MPPED1: variants seen among roughly 807,000 people sequenced by gnomAD.
MPPED1 encodes the protein metallophosphoesterase domain containing 1.
Under a neutral mutation model 36.2 loss-of-function variants are expected in MPPED1, and 16 were observed. The ratio of observed to expected loss-of-function variants is 0.44; its 90% CI spans 0.30 to 0.67. The LOEUF is 0.67. MPPED1 is among the 30% of genes least tolerant of loss of function. The pLI is 0.10. For synonymous variants in MPPED1, 199 were observed against 191.3 expected, an observed-to-expected ratio of 1.04 and a Z score of -0.33; for missense variants, 307 against 453.4, an observed-to-expected ratio of 0.68 and a Z score of 2.93.
intron 3 of MPPED1, among the ~76,000 whole-genome samples, chr22:43,470,849 T>C (rs980083666): frequency 6.6e-6 from 1 of 152,260 alleles, no homozygotes; most frequent in South Asian, 2.1e-4. Flanking sequence ...ACAGGCATTC[T>C]TGTGACTTTG....
intron 5 of MPPED1, among the ~76,000 whole-genome samples, chr22:43,499,663 CGGTGATGGG>C (rs1932574064): frequency 2.6e-4 from 2 of 7,800 alleles, no homozygotes; most frequent in Non-Finnish European, 2.4e-4. Flanking sequence ...ATGGGGGTGG[CGGTGATGGG>C]GGTGATGGTG....
At chr22:43,471,624 G>A (rs1025656359) in intron 3 of MPPED1, among the ~76,000 whole-genome samples, 17 of 152,172 alleles carry the variant, frequency 1.1e-4, no homozygotes, top group Non-Finnish European at 2.2e-4. Flanking sequence ...GTGTCCTCCC[G>A]GACCCACTAC....
chr22:43,436,367 G>T (rs953970459), intron 3 of MPPED1, among the ~76,000 whole-genome samples: 1 of 152,238 alleles, frequency 6.6e-6, no homozygotes, highest in Non-Finnish European at 1.5e-5. Flanking sequence ...CAGTTGGCTG[G>T]GACTGCACAA....
intron 3 of MPPED1, among the ~76,000 whole-genome samples, chr22:43,441,622 A>C (rs1297544813): frequency 6.6e-6 from 1 of 152,178 alleles, no homozygotes; most frequent in East Asian, 1.9e-4. Context: ...CTGGTAATGG[A>C]GTATTTAGAA....
intron 3 of MPPED1, among the ~76,000 whole-genome samples, chr22:43,436,760 G>GGCCAAGCCCCCGCTGTGT (rs1189881733): frequency 2.6e-5 from 4 of 152,244 alleles, no homozygotes; most frequent in Non-Finnish European, 5.9e-5. Context: ...AGTCGCTGTG[G>GGCCAAGCCCCCGCTGTGT]GCCAAGCCCC....
intron 3 of MPPED1, among the ~76,000 whole-genome samples, chr22:43,465,582 C>T (rs1006113740): frequency 3.9e-5 from 6 of 152,122 alleles, no homozygotes; most frequent in African/African-American, 4.8e-5. Context: ...AATCAACCCG[C>T]GGTTGGTTTG....
At chr22:43,426,104 C>T (rs1929459628) in intron 2 of MPPED1, among the ~76,000 whole-genome samples, 2 of 152,172 alleles carry the variant, frequency 1.3e-5, no homozygotes. Context: ...ACAGAGCTTA[C>T]CTGGTGAGGA....
chr22:43,461,643 C>T (rs960855996), intron 3 of MPPED1, among the ~76,000 whole-genome samples: 9 of 152,112 alleles, frequency 5.9e-5, no homozygotes, highest in South Asian at 2.1e-4. Context: ...TTGAGAGCTG[C>T]TCATAGCAAG....
At chr22:43,484,597 C>A (rs1931851948) in intron 4 of MPPED1, among the ~76,000 whole-genome samples, 1 of 152,238 alleles carries the variant, frequency 6.6e-6, no homozygotes, top group Non-Finnish European at 1.5e-5. Context: ...TCACAGGGCC[C>A]TGGATGGTGA....
chr22:43,486,526 C>T (rs1169776202), intron 4 of MPPED1, among the ~76,000 whole-genome samples: 1 of 152,274 alleles, frequency 6.6e-6, no homozygotes, highest in African/African-American at 2.4e-5. Context: ...TGTCACACCC[C>T]TGCTTGGAGC....
At chr22:43,459,496 C>T (rs1002205258) in intron 3 of MPPED1, among the ~76,000 whole-genome samples, 2 of 152,220 alleles carry the variant, frequency 1.3e-5, no homozygotes, top group Non-Finnish European at 2.9e-5. Flanking sequence ...GTCTCTGAGG[C>T]TCTGTTCATT....
At chr22:43,445,880 A>ATTT (rs78165973) in intron 3 of MPPED1, among the ~76,000 whole-genome samples, 10,792 of 125,554 alleles carry the variant, frequency 0.086, 1,317 homozygotes, top group African/African-American at 0.21. Context: ...TGGTGTTTAC[A>ATTT]TTTTCTTTTT....
intron 5 of MPPED1, 94 bp downstream of exon 5, chr22:43,498,444 C>T: frequency 2.1e-6 from 2 of 949,818 alleles, no homozygotes; most frequent in Non-Finnish European, 3.1e-6. Flanking sequence ...ATAGGGGAGC[C>T]CTGGAGGGGT....
chr22:43,450,722 A>AT, intron 3 of MPPED1, among the ~76,000 whole-genome samples: 1 of 123,458 alleles, frequency 8.1e-6, no homozygotes, highest in East Asian at 3.7e-4. Context: ...TTGATGGTAG[A>AT]CTTTTTTTTT....
rs902844323 is a variant in MPPED1, at chr22:43,507,235, G to A, written c.*1619G>A. On this transcript the variant is annotated 3_prime_UTR_variant, in exon 7 of 7. Coordinates refer to ENST00000443721, the MANE Select transcript of MPPED1 (RefSeq NM_001044370.2). ...CGAAGTTATGTCCCTACAAAGCAAT[G>A]CATGGTCCAAGGCTCTTTTTATTGT... is the stretch of plus-strand genomic sequence containing the variant. The A allele has an allele frequency of 6.6e-6, 1 of 152,262 alleles. No individual in the cohort carries two copies. The highest frequency in any genetic ancestry group is 2.4e-5 in the African/African-American group (1 of 41,468). 9.4% of individuals were successfully genotyped at this position (152,262 alleles called of 1,614,324 possible).
At chr22:43,489,507 C>T (rs1175096485) in intron 4 of MPPED1, among the ~76,000 whole-genome samples, 1 of 151,536 alleles carries the variant, frequency 6.6e-6, no homozygotes, top group Non-Finnish European at 1.5e-5. Flanking sequence ...TGACTTGACT[C>T]CTCCTGTCCC....
intron 1 of MPPED1, chr22:43,417,069 G>T: frequency 2.1e-6 from 2 of 932,462 alleles, no homozygotes; most frequent in Non-Finnish European, 2.6e-6. Flanking sequence ...AAAATGAAGC[G>T]GCAGAGACTG....
At chr22:43,492,942 G>A (rs1932149467) in intron 4 of MPPED1, among the ~76,000 whole-genome samples, 1 of 152,170 alleles carries the variant, frequency 6.6e-6, no homozygotes, top group South Asian at 2.1e-4. Flanking sequence ...GTAAAGTCCT[G>A]CTCAACATCC....
At chr22:43,461,809 G>A (rs888114103) in intron 3 of MPPED1, among the ~76,000 whole-genome samples, 3 of 152,176 alleles carry the variant, frequency 2.0e-5, no homozygotes, top group African/African-American at 7.2e-5. Context: ...TCAAATTCCC[G>A]CTTCTTCGCT....
Sources: allele counts gnomAD v4.1 joint callset (sites outside exome capture counted in the v4.1 genomes callset), GRCh38; gene constraint gnomAD v4.1.1; transcripts MANE v1.5; gene names NCBI Gene and HGNC (gene_info 2026-07-23, HGNC 2026-07-21).